The following LRRC49 variants were observed in gnomAD, a reference collection of about 807,000 sequenced individuals.
LRRC49 encodes the protein leucine rich repeat containing 49, also known as leucine-rich repeat-containing protein 49.
LRRC49 carries 50 observed loss-of-function variants against 83.3 expected under a neutral mutation model. The observed-to-expected ratio is 0.60, with a 90% CI of 0.48 to 0.76. The LOEUF (loss-of-function observed/expected upper bound fraction) is 0.76, where lower values mean the gene tolerates loss of function less well. Ranked by LOEUF, LRRC49 falls within the 30% of genes least tolerant of loss-of-function variation. The pLI, the probability that LRRC49 is intolerant of heterozygous loss-of-function variation, is 0.00. For missense variants in LRRC49, 704 were observed against 809.1 expected (o/e 0.87, Z 1.58); for synonymous variants, 286 against 283.3 (o/e 1.01, Z -0.10).
intron 14 of LRRC49, among the ~76,000 whole-genome samples, chr15:71,029,006 C>G (rs2039263745): frequency 6.6e-6 from 1 of 152,014 alleles, no homozygotes; most frequent in Non-Finnish European, 1.5e-5. Context: ...TTTCTTTGCT[C>G]TTGTTTCTCT....
At chr15:70,863,513 G>C (rs1030914960) in intron 1 of LRRC49, among the ~76,000 whole-genome samples, 1 of 152,180 alleles carries the variant, frequency 6.6e-6, no homozygotes, top group Non-Finnish European at 1.5e-5. Flanking sequence ...ACCTCTGCTG[G>C]AGTTCAGATA....
At chr15:70,888,922 G>T (rs1032974151), upstream of LRRC49, among the ~76,000 whole-genome samples, 4 of 152,128 alleles carry the variant, frequency 2.6e-5, no homozygotes, top group African/African-American at 9.7e-5. Flanking sequence ...CTCTGCAAAT[G>T]GACTCAGATG....
chr15:71,048,420 T>C (rs1471025496), intron 15 of LRRC49, among the ~76,000 whole-genome samples: 1 of 152,220 alleles, frequency 6.6e-6, no homozygotes, highest in East Asian at 1.9e-4. Flanking sequence ...TTAGCTCATT[T>C]AATTTATCTT....
intron 1 of LRRC49, among the ~76,000 whole-genome samples, chr15:70,868,073 T>C (rs1231194595): frequency 6.6e-6 from 1 of 151,970 alleles, no homozygotes; most frequent in Non-Finnish European, 1.5e-5. Context: ...AGGGGGGTGC[T>C]AATGGCTTGG....
At chr15:70,910,690 G>T (rs1475801375) in intron 5 of LRRC49, among the ~76,000 whole-genome samples, 1 of 152,110 alleles carries the variant, frequency 6.6e-6, no homozygotes, top group African/African-American at 2.4e-5. Context: ...ATCCTATTAT[G>T]AATACCCTTG....
At chr15:70,990,734 G>A (rs1272933426) in intron 11 of LRRC49, among the ~76,000 whole-genome samples, 2 of 152,194 alleles carry the variant, frequency 1.3e-5, no homozygotes, top group Admixed American at 6.5e-5. Context: ...CGTCACTCAC[G>A]CTGGGAGCTG....
chr15:70,988,852 C>T (rs2037743774), intron 11 of LRRC49, among the ~76,000 whole-genome samples: 1 of 152,046 alleles, frequency 6.6e-6, no homozygotes, highest in South Asian at 2.1e-4. Context: ...AATCTCTCAG[C>T]ATTTGCTTGT....
At chr15:70,964,609 C>G (rs1241412488) in intron 9 of LRRC49, among the ~76,000 whole-genome samples, 1 of 152,076 alleles carries the variant, frequency 6.6e-6, no homozygotes, top group Non-Finnish European at 1.5e-5. Context: ...AAATGCTGTG[C>G]ATAATATCCC....
chr15:70,923,275 C>T (rs915004804), intron 7 of LRRC49, among the ~76,000 whole-genome samples: 11 of 151,786 alleles, frequency 7.2e-5, no homozygotes, highest in Admixed American at 1.3e-4. Context: ...GGTACTTTAA[C>T]GTTTGCTGAG....
intron 9 of LRRC49, among the ~76,000 whole-genome samples, chr15:70,968,664 TG>T (rs1325571442): frequency 2.6e-5 from 4 of 152,194 alleles, no homozygotes; most frequent in African/African-American, 9.6e-5. Context: ...GACTTTTGAA[TG>T]ATCACCATTC....
chr15:70,937,327 A>C (rs922534820), intron 8 of LRRC49, among the ~76,000 whole-genome samples: 2 of 152,206 alleles, frequency 1.3e-5, no homozygotes, highest in African/African-American at 4.8e-5. Context: ...GAAATGTATA[A>C]ATTTAGTTTT....
At chr15:70,883,212 A>C (rs1408427345) in intron 2 of LRRC49, among the ~76,000 whole-genome samples, 2 of 148,674 alleles carry the variant, frequency 1.3e-5, no homozygotes, top group Non-Finnish European at 3.0e-5. Context: ...TTTTTTTGAG[A>C]TGGAGTTTTG....
At chr15:70,863,688 C>A (rs1334921479) in intron 1 of LRRC49, among the ~76,000 whole-genome samples, 5 of 152,196 alleles carry the variant, frequency 3.3e-5, no homozygotes, top group African/African-American at 9.7e-5. Context: ...ATTTGGGGGA[C>A]AGAGTAGCGT....
At position 71,012,922 on chromosome 15, in the gene LRRC49, T is replaced by C; in HGVS notation, c.1703+9T>C. 1 of 1,559,958 alleles carries C rather than the reference T, an allele frequency of 6.4e-7. No individual in the cohort carries two copies. The highest frequency in any genetic ancestry group is 1.4e-5 in the African/African-American group (1 of 73,116). ...ATTCTGGGTGATGCCAGGTAACCTT[T>C]AATTTTTGTAGTTTTTTATAGAATT... On this transcript the variant is annotated intron_variant, in intron 14 of 15. Transcript: ENST00000260382.
intron 9 of LRRC49, among the ~76,000 whole-genome samples, chr15:70,975,879 C>T (rs2037189176): frequency 1.3e-5 from 2 of 151,962 alleles, no homozygotes; most frequent in African/African-American, 4.8e-5. Flanking sequence ...CTCTGGTTCT[C>T]CTCCTTTTTG....
intron 11 of LRRC49, among the ~76,000 whole-genome samples, chr15:70,989,062 G>C (rs1424123127): frequency 2.6e-4 from 39 of 152,074 alleles, no homozygotes; most frequent in Non-Finnish European, 4.9e-4. Flanking sequence ...CTCTGGCTGT[G>C]CTTAACATTT....
chr15:70,856,447 C>G (rs971584658), intron 1 of LRRC49, among the ~76,000 whole-genome samples: 4 of 151,912 alleles, frequency 2.6e-5, no homozygotes, highest in Admixed American at 2.6e-4. Context: ...TTAGGGGTAC[C>G]CATTAAGTCA....
intron 1 of LRRC49, among the ~76,000 whole-genome samples, chr15:70,866,128 A>G (rs991735696): frequency 2.1e-5 from 3 of 145,390 alleles, no homozygotes; most frequent in Non-Finnish European, 4.5e-5. Flanking sequence ...TTATTTATTT[A>G]TTTATTTATT....
chr15:70,865,573 A>G (rs1442091806), intron 1 of LRRC49, among the ~76,000 whole-genome samples: 1 of 152,234 alleles, frequency 6.6e-6, no homozygotes, highest in African/African-American at 2.4e-5. Flanking sequence ...ATTTATTTAC[A>G]TCGAGAATAG....
Sources: allele counts gnomAD v4.1 joint callset (sites outside exome capture counted in the v4.1 genomes callset), GRCh38; gene constraint gnomAD v4.1.1; transcripts MANE v1.5; gene names NCBI Gene and HGNC (gene_info 2026-07-23, HGNC 2026-07-21).